VTI1A: variants seen among roughly 807,000 people sequenced by gnomAD.
VTI1A encodes the protein vesicle transport through interaction with t-SNAREs 1A.
VTI1A carries 22 observed loss-of-function variants against 34.9 expected under a neutral mutation model. The observed-to-expected ratio is 0.63, with a 90% CI of 0.45 to 0.90. VTI1A has a LOEUF of 0.90. Among genes scored for constraint, VTI1A ranks in the 40% least tolerant of loss-of-function variants. VTI1A has a pLI of 0.00. For synonymous variants in VTI1A, 87 were observed against 97.3 expected, an observed-to-expected ratio of 0.89 and a Z score of 0.62; for missense variants, 268 against 275.6, an observed-to-expected ratio of 0.97 and a Z score of 0.20.
the VTI1A span, among the ~76,000 whole-genome samples, chr10:112,854,523 G>A: frequency 2.0e-5 from 3 of 152,016 alleles, no homozygotes; most frequent in Non-Finnish European, 4.4e-5. Context: ...GCCGCCCAGA[G>A]ATCATGCAGA....
the VTI1A span, among the ~76,000 whole-genome samples, chr10:112,851,332 C>T: frequency 1.3e-5 from 2 of 152,270 alleles, no homozygotes; most frequent in Middle Eastern, 3.4e-3. Context: ...GCCTCTCTTC[C>T]AACTAGACAA....
At chr10:112,572,614 G>A (rs561892534) in intron 5 of VTI1A, among the ~76,000 whole-genome samples, 69 of 152,210 alleles carry the variant, frequency 4.5e-4, no homozygotes, top group Non-Finnish European at 8.7e-4. Context: ...TGAGGCGGGC[G>A]GATCACGAGG....
chr10:112,490,638 A>G (rs999582075), intron 3 of VTI1A, among the ~76,000 whole-genome samples: 1 of 145,716 alleles, frequency 6.9e-6, no homozygotes, highest in Non-Finnish European at 1.5e-5. Flanking sequence ...TAAACTAAGT[A>G]TTGTTCTGGC....
chr10:112,844,858 A>G, the VTI1A span, among the ~76,000 whole-genome samples: 4 of 152,174 alleles, frequency 2.6e-5, no homozygotes, highest in African/African-American at 9.7e-5. Flanking sequence ...TTTTAATGTC[A>G]CTGCGATGAC....
intron 5 of VTI1A, among the ~76,000 whole-genome samples, chr10:112,619,705 G>A (rs1845654561): frequency 1.3e-5 from 2 of 152,138 alleles, no homozygotes; most frequent in African/African-American, 4.8e-5. Flanking sequence ...AGGAATGTCT[G>A]CTAGATGAGA....
At chr10:112,547,956 G>C (rs932203424) in intron 5 of VTI1A, among the ~76,000 whole-genome samples, 1 of 151,696 alleles carries the variant, frequency 6.6e-6, no homozygotes, top group East Asian at 1.9e-4. Flanking sequence ...TTTTTAATAT[G>C]CTTACCCAAG....
chr10:112,587,806 A>C, intron 5 of VTI1A, among the ~76,000 whole-genome samples: 1 of 152,104 alleles, frequency 6.6e-6, no homozygotes, highest in East Asian at 1.9e-4. Flanking sequence ...GGAGAAAATG[A>C]CTTTTAGACT....
At chr10:112,614,929 C>T (rs1310705363) in intron 5 of VTI1A, among the ~76,000 whole-genome samples, 1 of 151,822 alleles carries the variant, frequency 6.6e-6, no homozygotes, top group Admixed American at 6.6e-5. Flanking sequence ...TTCATAAGCA[C>T]ACCACCAGCA....
intron 5 of VTI1A, among the ~76,000 whole-genome samples, chr10:112,559,637 ATT>A (rs1686135370): frequency 6.6e-6 from 1 of 152,162 alleles, no homozygotes; most frequent in South Asian, 2.1e-4. Context: ...TCCACAGTGG[ATT>A]ATCTCTTTAT....
Position 112,736,834 on chromosome 10 carries a change from C to T in VTI1A, c.560+67836C>T, listed in dbSNP as rs1248903732. ...TATTGTGCCTTCAATGAGAAGCCTT[C>T]TCACTGAAAGAGCTGCCCTGGACGG... On this transcript the variant is annotated intron_variant, in intron 7 of 7. Coordinates refer to ENST00000393077, the MANE Select transcript of VTI1A (RefSeq NM_145206.4). The T allele has an allele frequency of 8.8e-6, 10 of 1,142,046 alleles. No homozygotes were observed. In the Admixed American group the frequency reaches 2.0e-4, roughly 23 times the overall value. 70.7% of individuals were successfully genotyped at this position (1,142,046 alleles called of 1,614,324 possible).
At chr10:112,576,280 A>C (rs1024807261) in intron 5 of VTI1A, among the ~76,000 whole-genome samples, 8 of 146,766 alleles carry the variant, frequency 5.5e-5, no homozygotes, top group African/African-American at 2.0e-4. Flanking sequence ...TCGGCCTCCC[A>C]AAGTGCTGGG....
chr10:112,662,433 A>G (rs1847495770), intron 5 of VTI1A, among the ~76,000 whole-genome samples: 2 of 152,206 alleles, frequency 1.3e-5, no homozygotes, highest in African/African-American at 4.8e-5. Flanking sequence ...AGCGAAGGAT[A>G]TTCTATGTGG....
intron 7 of VTI1A, among the ~76,000 whole-genome samples, chr10:112,803,669 G>A (rs1278843785): frequency 6.6e-6 from 1 of 152,208 alleles, no homozygotes; most frequent in Non-Finnish European, 1.5e-5. Flanking sequence ...AGGAGGCTGA[G>A]GTGGGAGGAT....
chr10:112,681,082 T>C (rs1048340214), intron 7 of VTI1A, among the ~76,000 whole-genome samples: 2 of 151,134 alleles, frequency 1.3e-5, no homozygotes, highest in Admixed American at 6.6e-5. Flanking sequence ...TCTTTTCTTT[T>C]TTTTTTTTTT....
chr10:112,654,529 G>GC (rs1847156256), intron 5 of VTI1A, among the ~76,000 whole-genome samples: 1 of 151,894 alleles, frequency 6.6e-6, no homozygotes, highest in African/African-American at 2.4e-5. Flanking sequence ...GAGTCTAACT[G>GC]TCACCGAGGC....
chr10:112,643,682 A>C (rs1225287659), intron 5 of VTI1A, among the ~76,000 whole-genome samples: 4 of 152,232 alleles, frequency 2.6e-5, no homozygotes, highest in African/African-American at 7.2e-5. Flanking sequence ...TCTGTACTGC[A>C]TAAGCTACGA....
intron 7 of VTI1A, among the ~76,000 whole-genome samples, chr10:112,753,253 A>C (rs977130831): frequency 1.3e-5 from 2 of 151,430 alleles, no homozygotes; most frequent in East Asian, 3.9e-4. Context: ...AACAGCCAAG[A>C]AACTTTACTC....
chr10:112,549,706 A>G (rs1249989627), intron 5 of VTI1A, among the ~76,000 whole-genome samples: 1 of 152,124 alleles, frequency 6.6e-6, no homozygotes, highest in Admixed American at 6.5e-5. Flanking sequence ...CTCTGCTTGA[A>G]TAGGTATTTT....
Position 112,815,416 on chromosome 10 carries a change from C to T in VTI1A, c.*33C>T, listed in dbSNP as rs757837000. ...GCTCTCCCTTGATAAACAGCAACAA[C>T]AGCTTGTTCTGAGTAATTAAGACAA... On this transcript the variant is annotated 3_prime_UTR_variant, in exon 8 of 8. Transcript: ENST00000393077. 86 of 1,562,496 alleles carry T rather than the reference C, an allele frequency of 5.5e-5. No individual in the cohort carries two copies. The highest frequency in any genetic ancestry group is 7.4e-5 in the Non-Finnish European group (84 of 1,133,178).
Sources: allele counts gnomAD v4.1 joint callset (sites outside exome capture counted in the v4.1 genomes callset), GRCh38; gene constraint gnomAD v4.1.1; transcripts MANE v1.5; gene names NCBI Gene and HGNC (gene_info 2026-07-23, HGNC 2026-07-21).